The following MORC1 variants were observed in gnomAD, a reference collection of about 807,000 sequenced individuals.
The protein encoded by MORC1 is MORC family CW-type zinc finger protein 1.
Under a neutral mutation model 134.9 loss-of-function variants are expected in MORC1, and 59 were observed. That is an observed-to-expected ratio of 0.44 (90% CI 0.35 to 0.54). The LOEUF (loss-of-function observed/expected upper bound fraction) is 0.54. MORC1 is among the 20% of genes least tolerant of loss of function. MORC1 has a pLI of 0.00. For synonymous variants in MORC1, 395 were observed against 391.7 expected (o/e 1.01, Z -0.10); for missense variants, 947 against 1,134.5 (o/e 0.83, Z 2.37).
Position 109,118,118 on chromosome 3 carries a change from C to G in MORC1, c.-59G>C. The stretch of plus-strand genomic sequence containing the variant: ...CAAGGACACCTGACCGGCAGCCGTT[C>G]GCCTGCGCCCGCGCCCACTCCCACG... On this transcript the variant is annotated 5_prime_UTR_variant, in exon 1 of 28. Coordinates refer to ENST00000232603, the MANE Select transcript of MORC1 (RefSeq NM_014429.4). 2 of 1,553,600 alleles carry G rather than the reference C, an allele frequency of 1.3e-6. No individual in the cohort carries two copies. The highest frequency in any genetic ancestry group is 1.2e-5 in the South Asian group (1 of 85,020).
intron 20 of MORC1, among the ~76,000 whole-genome samples, chr3:109,002,261 C>A (rs1948423187): frequency 6.6e-6 from 1 of 152,162 alleles, no homozygotes; most frequent in African/African-American, 2.4e-5. Flanking sequence ...AAAGAAAACA[C>A]AACGCAGTCA....
At chr3:109,102,555 G>A (rs150090249) in intron 4 of MORC1, among the ~76,000 whole-genome samples, 6 of 152,166 alleles carry the variant, frequency 3.9e-5, no homozygotes, top group African/African-American at 1.4e-4. Flanking sequence ...TTTGAACAAC[G>A]GATAGATTCT....
chr3:109,105,386 G>A (rs1227522955), intron 3 of MORC1, among the ~76,000 whole-genome samples: 1 of 152,150 alleles, frequency 6.6e-6, no homozygotes, highest in Non-Finnish European at 1.5e-5. Flanking sequence ...AGCTGGGTGT[G>A]GTGGCGTGTG....
intron 13 of MORC1, among the ~76,000 whole-genome samples, chr3:109,056,587 T>C (rs1025690687): frequency 1.3e-5 from 2 of 152,378 alleles, no homozygotes; most frequent in African/African-American, 4.8e-5. Flanking sequence ...AATATGCATT[T>C]ATATGCTTGT....
rs557477896 is a variant in MORC1, at chr3:109,058,628, A to G, written c.1032-1142T>C. On this transcript the variant is annotated intron_variant, in intron 12 of 27. Coordinates refer to ENST00000232603, the MANE Select transcript of MORC1 (RefSeq NM_014429.4). ...CATAAGACATGAGTTAATATACTAT[A>G]TATTTATTAAACACATGTATATCTA... Among the ~76,000 whole-genome samples, 6 of 152,234 alleles carry G rather than the reference A, an allele frequency of 3.9e-5. No individual in the cohort carries two copies. In the South Asian group the frequency reaches 6.2e-4, roughly 16 times the overall value.
intron 4 of MORC1, among the ~76,000 whole-genome samples, chr3:109,100,931 G>A (rs112067224): frequency 4.6e-5 from 7 of 152,190 alleles, no homozygotes; most frequent in South Asian, 2.1e-4. Context: ...CGGAAATACC[G>A]TGCCATCTTC....
intron 15 of MORC1, among the ~76,000 whole-genome samples, chr3:109,033,299 AGG>A (rs1949284090): frequency 4.4e-5 from 2 of 45,524 alleles, no homozygotes; most frequent in South Asian, 2.4e-3. Flanking sequence ...GAAGGAAGGA[AGG>A]AAGGAAGGAA....
At chr3:109,094,520 G>C (rs1400179595) in intron 7 of MORC1, among the ~76,000 whole-genome samples, 2 of 152,200 alleles carry the variant, frequency 1.3e-5, no homozygotes. Flanking sequence ...CTTTGCCACA[G>C]AGACATTAAT....
At chr3:109,028,577 C>G (rs1949150429) in intron 16 of MORC1, among the ~76,000 whole-genome samples, 1 of 152,088 alleles carries the variant, frequency 6.6e-6, no homozygotes. Flanking sequence ...GAACAATAAA[C>G]AGGCTATGGA....
At chr3:108,983,864 G>T (rs1459358518) in intron 23 of MORC1, among the ~76,000 whole-genome samples, 3 of 152,150 alleles carry the variant, frequency 2.0e-5, no homozygotes, top group Admixed American at 2.0e-4. Flanking sequence ...ACAAAGGGGG[G>T]ATGAGAAGAT....
chr3:109,076,044 G>A (rs570188318), intron 8 of MORC1, among the ~76,000 whole-genome samples: 6 of 152,094 alleles, frequency 3.9e-5, no homozygotes, highest in African/African-American at 9.6e-5. Flanking sequence ...GAGTGAACAG[G>A]CAACCTACAG....
At chr3:109,104,408 TGGGA>T (rs1394500272) in intron 3 of MORC1, among the ~76,000 whole-genome samples, 1 of 152,168 alleles carries the variant, frequency 6.6e-6, no homozygotes, top group Non-Finnish European at 1.5e-5. Flanking sequence ...TGCATCTTCA[TGGGA>T]GCAAATACTT....
chr3:109,102,709 C>G (rs1950952631), intron 4 of MORC1, among the ~76,000 whole-genome samples: 1 of 152,090 alleles, frequency 6.6e-6, no homozygotes, highest in Non-Finnish European at 1.5e-5. Context: ...AGAGTTGCTT[C>G]TTTTCATAAG....
intron 14 of MORC1, among the ~76,000 whole-genome samples, chr3:109,052,046 C>A (rs914672699): frequency 1.3e-5 from 2 of 152,110 alleles, no homozygotes; most frequent in African/African-American, 2.4e-5. Context: ...CGGATTACAG[C>A]GAAGACAAGA....
intron 1 of MORC1, 55 bp downstream of exon 1, chr3:109,117,940 T>G: frequency 1.4e-6 from 2 of 1,448,452 alleles, no homozygotes; most frequent in South Asian, 2.4e-5. Context: ...GCAAAACCTT[T>G]CTTCATGGCG....
At chr3:109,051,367 G>T (rs1421653417) in intron 14 of MORC1, among the ~76,000 whole-genome samples, 1 of 152,126 alleles carries the variant, frequency 6.6e-6, no homozygotes, top group Non-Finnish European at 1.5e-5. Flanking sequence ...AAAACTGTGT[G>T]CCCTGTAATA....
chr3:109,027,382 G>C (rs563852737), intron 17 of MORC1, among the ~76,000 whole-genome samples: 1 of 152,140 alleles, frequency 6.6e-6, no homozygotes, highest in African/African-American at 2.4e-5. Context: ...CCTCAGGGAA[G>C]AATGAAATAA....
intron 24 of MORC1, among the ~76,000 whole-genome samples, chr3:108,974,298 T>TA (rs1559864218): frequency 6.6e-6 from 1 of 152,202 alleles, no homozygotes; most frequent in Non-Finnish European, 1.5e-5. Context: ...TTAGATTCTG[T>TA]AAAAACCTAT....
chr3:109,114,255 A>T, intron 2 of MORC1, 129 bp downstream of exon 2: 1 of 724,412 alleles, frequency 1.4e-6, no homozygotes, highest in African/African-American at 1.8e-5. Flanking sequence ...CCTTGATTTT[A>T]TAGGAAATCA....
Sources: allele counts gnomAD v4.1 joint callset (sites outside exome capture counted in the v4.1 genomes callset), GRCh38; gene constraint gnomAD v4.1.1; transcripts MANE v1.5; gene names NCBI Gene and HGNC (gene_info 2026-07-23, HGNC 2026-07-21).